ARL15: variants seen among roughly 807,000 people sequenced by gnomAD.
ARL15 encodes ADP-ribosylation factor-like protein 15.
A neutral mutation model predicts 25.2 loss-of-function variants in ARL15; 19 were observed. The ratio of observed to expected loss-of-function variants is 0.75; its 90% CI spans 0.53 to 1.10. The LOEUF is 1.10. Ranked by LOEUF, ARL15 falls within the 50% of genes least tolerant of loss-of-function variation. The pLI, the probability that ARL15 is intolerant of heterozygous loss-of-function variation, is 0.00. For synonymous variants in ARL15, 94 were observed against 86.8 expected, an observed-to-expected ratio of 1.08 and a Z score of -0.46; for missense variants, 220 against 246.0, an observed-to-expected ratio of 0.89 and a Z score of 0.71.
intron 1 of ARL15, among the ~76,000 whole-genome samples, chr5:54,294,023 C>G (rs1394879359): frequency 6.6e-6 from 1 of 152,130 alleles, no homozygotes; most frequent in East Asian, 1.9e-4. Context: ...CCATGTTGGC[C>G]AGGCTGGTCT....
chr5:54,046,298 T>C lies in ARL15; in HGVS notation c.462+66904A>G, dbSNP rs532163508. Among the ~76,000 whole-genome samples the C allele has an allele frequency of 5.2e-3, 793 of 152,246 alleles. 6 individuals are homozygous for C. The highest frequency in any genetic ancestry group is 1.0e-2 in the Non-Finnish European group (680 of 68,030). Reference sequence around the variant, plus strand: ...GAGTTTGAGACCAGCCTGGCCAACATGGCAAAACCCTGTCTCTACTAAAAA... The same window carrying C: ...GAGTTTGAGACCAGCCTGGCCAACACGGCAAAACCCTGTCTCTACTAAAAA... On this transcript the variant is annotated intron_variant, in intron 4 of 4. Coordinates refer to ENST00000504924, the MANE Select transcript of ARL15 (RefSeq NM_019087.3).
chr5:54,140,945 C>A (rs138725332), intron 3 of ARL15, among the ~76,000 whole-genome samples: 1 of 152,088 alleles, frequency 6.6e-6, no homozygotes. Flanking sequence ...ATGTCATTAC[C>A]GTTTTTTCCC....
At chr5:54,161,608 T>C (rs756187949) in intron 2 of ARL15, among the ~76,000 whole-genome samples, 19 of 152,204 alleles carry the variant, frequency 1.2e-4, no homozygotes, top group Non-Finnish European at 2.2e-4. Context: ...TTATGAATTA[T>C]CTCTTTATAG....
intron 1 of ARL15, among the ~76,000 whole-genome samples, chr5:54,225,291 G>C (rs1756487704): frequency 6.6e-6 from 1 of 152,102 alleles, no homozygotes; most frequent in African/African-American, 2.4e-5. Context: ...CATGTCATGG[G>C]GACTAGCGGA....
At chr5:53,963,508 CT>C (rs1747437939) in intron 4 of ARL15, among the ~76,000 whole-genome samples, 1 of 152,044 alleles carries the variant, frequency 6.6e-6, no homozygotes, top group East Asian at 1.9e-4. Flanking sequence ...ATAAAATTGA[CT>C]CTAAAATATA....
intron 4 of ARL15, among the ~76,000 whole-genome samples, chr5:53,898,900 T>A (rs187962461): frequency 6.6e-6 from 1 of 152,176 alleles, no homozygotes; most frequent in African/African-American, 2.4e-5. Flanking sequence ...GCAATCCTCC[T>A]CTCTTGGCCT....
At chr5:53,980,992 G>C (rs1057178911) in intron 4 of ARL15, among the ~76,000 whole-genome samples, 1 of 151,976 alleles carries the variant, frequency 6.6e-6, no homozygotes, top group Non-Finnish European at 1.5e-5. Flanking sequence ...AAAAAACAAA[G>C]CAACACAATA....
intron 4 of ARL15, among the ~76,000 whole-genome samples, chr5:53,926,485 G>C (rs1746029306): frequency 6.6e-6 from 1 of 152,056 alleles, no homozygotes; most frequent in Admixed American, 6.6e-5. Flanking sequence ...TCCCATACTT[G>C]TCCTTCTTCC....
intron 4 of ARL15, among the ~76,000 whole-genome samples, chr5:53,921,706 A>G (rs1745865236): frequency 1.3e-5 from 2 of 152,186 alleles, no homozygotes; most frequent in Non-Finnish European, 2.9e-5. Context: ...CAGGAGGCGG[A>G]TGTTGCAGTG....
chr5:54,122,348 G>A (rs149937), intron 3 of ARL15, among the ~76,000 whole-genome samples: 133,972 of 152,302 alleles, frequency 0.88, 59,142 homozygotes, highest in East Asian at 0.98. Context: ...ATGATTAGTC[G>A]TGTTAACATT....
chr5:54,024,977 T>C (rs543567779), intron 4 of ARL15, among the ~76,000 whole-genome samples: 1 of 152,152 alleles, frequency 6.6e-6, no homozygotes, highest in East Asian at 1.9e-4. Context: ...TAAAAGTAGG[T>C]TTTATATGTC....
chr5:53,971,283 T>G (rs1445199392), intron 4 of ARL15, among the ~76,000 whole-genome samples: 1 of 152,150 alleles, frequency 6.6e-6, no homozygotes, highest in Non-Finnish European at 1.5e-5. Context: ...TCCAAACAGC[T>G]GGAAAAGATG....
intron 4 of ARL15, among the ~76,000 whole-genome samples, chr5:54,089,868 A>C (rs1167173690): frequency 6.6e-6 from 1 of 152,188 alleles, no homozygotes; most frequent in East Asian, 1.9e-4. Flanking sequence ...CCAACATACG[A>C]ATGTATATTT....
At chr5:54,141,313 C>G (rs943320984) in intron 3 of ARL15, among the ~76,000 whole-genome samples, 1 of 151,842 alleles carries the variant, frequency 6.6e-6, no homozygotes, top group East Asian at 1.9e-4. Context: ...CAGCTATATA[C>G]GATTACCTAG....
At chr5:54,300,541 A>AT (rs1256480409) in intron 1 of ARL15, among the ~76,000 whole-genome samples, 1 of 152,230 alleles carries the variant, frequency 6.6e-6, no homozygotes. Flanking sequence ...AGTAAAATAC[A>AT]TTGTTATTGT....
intron 4 of ARL15, among the ~76,000 whole-genome samples, chr5:54,071,988 A>G (rs987634380): frequency 4.6e-5 from 7 of 151,496 alleles, no homozygotes; most frequent in African/African-American, 1.7e-4. Context: ...AGAAAAAAAA[A>G]AAAAAAAGAA....
At chr5:54,229,843 G>A (rs1756619879) in intron 1 of ARL15, among the ~76,000 whole-genome samples, 2 of 152,070 alleles carry the variant, frequency 1.3e-5, no homozygotes, top group Admixed American at 6.5e-5. Flanking sequence ...GATCCCCACC[G>A]GCAATCTCAC....
chr5:53,984,457 C>T (rs1453422486), intron 4 of ARL15, among the ~76,000 whole-genome samples: 1 of 152,028 alleles, frequency 6.6e-6, no homozygotes, highest in African/African-American at 2.4e-5. Context: ...TGGAGAGTTA[C>T]TCAATTCAGT....
chr5:54,307,110 C>T (rs1758776160), intron 1 of ARL15, among the ~76,000 whole-genome samples: 1 of 152,150 alleles, frequency 6.6e-6, no homozygotes, highest in Admixed American at 6.5e-5. Context: ...TAAACATGGC[C>T]TTTAAACCCC....
Sources: allele counts gnomAD v4.1 joint callset (sites outside exome capture counted in the v4.1 genomes callset), GRCh38; gene constraint gnomAD v4.1.1; transcripts MANE v1.5; gene names NCBI Gene and HGNC (gene_info 2026-07-23, HGNC 2026-07-21).